The following ATOSA variants were observed in gnomAD, a reference collection of about 807,000 sequenced individuals.
ATOSA encodes atos homolog protein A.
At chr15:52,609,109 T>C in the ATOSA span, 1 of 1,613,508 alleles carries the variant, frequency 6.2e-7, no homozygotes, top group Non-Finnish European at 8.5e-7. Flanking sequence ...ACTTTTGTTC[T>C]GTGTCTCCTG....
At chr15:52,677,643 T>G in the ATOSA span, among the ~76,000 whole-genome samples, 5 of 152,204 alleles carry the variant, frequency 3.3e-5, no homozygotes, top group Admixed American at 3.3e-4. Flanking sequence ...CATTCAAGTT[T>G]AAAAAGCTTA....
chr15:52,606,376 T>C, the ATOSA span, among the ~76,000 whole-genome samples: 5 of 152,178 alleles, frequency 3.3e-5, no homozygotes, highest in African/African-American at 1.2e-4. Context: ...ATAAAAATTA[T>C]AAAAGACTAT....
the ATOSA span, among the ~76,000 whole-genome samples, chr15:52,682,055 A>G: frequency 2.6e-5 from 4 of 152,106 alleles, no homozygotes; most frequent in Admixed American, 2.6e-4. Context: ...ATATTAACCT[A>G]TGTATTCTCT....
the ATOSA span, among the ~76,000 whole-genome samples, chr15:52,619,252 T>C: frequency 6.6e-6 from 1 of 152,076 alleles, no homozygotes; most frequent in African/African-American, 2.4e-5. Context: ...TACTTGAAAA[T>C]TGGCAGTAAA....
chr15:52,639,500 G>A, the ATOSA span, among the ~76,000 whole-genome samples: 10 of 152,158 alleles, frequency 6.6e-5, no homozygotes, highest in Admixed American at 5.9e-4. Context: ...TATAATGACG[G>A]CTTTTAGCAT....
the ATOSA span, among the ~76,000 whole-genome samples, chr15:52,677,749 C>T: frequency 6.6e-6 from 1 of 152,104 alleles, no homozygotes; most frequent in African/African-American, 2.4e-5. Flanking sequence ...ATACAAATAC[C>T]ATTCTTTACT....
chr15:52,593,766 A>C, the ATOSA span: 1 of 1,519,606 alleles, frequency 6.6e-7, no homozygotes, highest in Non-Finnish European at 8.8e-7. Flanking sequence ...TAAAAACTCA[A>C]TTAAAAAAGC....
the ATOSA span, among the ~76,000 whole-genome samples, chr15:52,643,423 C>CT: frequency 6.6e-6 from 1 of 151,586 alleles, no homozygotes; most frequent in Non-Finnish European, 1.5e-5. Flanking sequence ...TCCTGAGTAG[C>CT]TGGGACCACA....
At chr15:52,600,793 G>GTT in the ATOSA span, among the ~76,000 whole-genome samples, 2 of 140,912 alleles carry the variant, frequency 1.4e-5, no homozygotes, top group Non-Finnish European at 1.6e-5. Flanking sequence ...GGCCAAGGTT[G>GTT]TTTTTTTTTT....
At chr15:52,620,379 C>A in the ATOSA span, among the ~76,000 whole-genome samples, 1 of 152,174 alleles carries the variant, frequency 6.6e-6, no homozygotes, top group African/African-American at 2.4e-5. Flanking sequence ...ACCACTAACT[C>A]CTTGAGAGAC....
chr15:52,695,153 G>A, the ATOSA span, among the ~76,000 whole-genome samples: 1 of 152,026 alleles, frequency 6.6e-6, no homozygotes, highest in African/African-American at 2.4e-5. Flanking sequence ...TTGAACTCCT[G>A]GTCTCAAGCA....
the ATOSA span, among the ~76,000 whole-genome samples, chr15:52,616,903 C>T: frequency 6.6e-6 from 1 of 152,166 alleles, no homozygotes; most frequent in Non-Finnish European, 1.5e-5. Context: ...CCCTCATAAA[C>T]CTACTGAGAC....
chr15:52,637,714 C>A, the ATOSA span, among the ~76,000 whole-genome samples: 4 of 152,052 alleles, frequency 2.6e-5, no homozygotes, highest in African/African-American at 9.7e-5. Flanking sequence ...TAATAAGAGC[C>A]CAAACTCTTA....
At chr15:52,588,731 C>T in the ATOSA span, among the ~76,000 whole-genome samples, 2 of 152,168 alleles carry the variant, frequency 1.3e-5, no homozygotes, top group African/African-American at 2.4e-5. Context: ...GGATGACAGG[C>T]GTGAGCCATC....
the ATOSA span, among the ~76,000 whole-genome samples, chr15:52,607,636 T>A: frequency 6.6e-6 from 1 of 152,136 alleles, no homozygotes; most frequent in African/African-American, 2.4e-5. Context: ...TATGGTGAAG[T>A]ATCAAAAAGA....
the ATOSA span, chr15:52,584,807 A>G: frequency 3.1e-6 from 5 of 1,613,628 alleles, no homozygotes; most frequent in Non-Finnish European, 4.2e-6. Flanking sequence ...CTTTATTAAC[A>G]CTTCTCTTCA....
the ATOSA span, among the ~76,000 whole-genome samples, chr15:52,622,342 T>C: frequency 6.6e-6 from 1 of 152,126 alleles, no homozygotes; most frequent in Non-Finnish European, 1.5e-5. Flanking sequence ...GAGAAACACA[T>C]GGTAATGAGT....
chr15:52,622,490 C>T, the ATOSA span, among the ~76,000 whole-genome samples: 1 of 152,078 alleles, frequency 6.6e-6, no homozygotes, highest in Admixed American at 6.6e-5. Context: ...CAGGCACTTT[C>T]GTAGACACTG....
the ATOSA span, among the ~76,000 whole-genome samples, chr15:52,584,142 T>C: frequency 6.7e-6 from 1 of 149,164 alleles, no homozygotes; most frequent in Non-Finnish European, 1.5e-5. Flanking sequence ...ATGGCTCATA[T>C]TACTTTTTTT....
Sources: allele counts gnomAD v4.1 joint callset (sites outside exome capture counted in the v4.1 genomes callset), GRCh38; gene constraint gnomAD v4.1.1; transcripts MANE v1.5; gene names NCBI Gene and HGNC (gene_info 2026-07-23, HGNC 2026-07-21).